Variants in VTI1A observed in about 807,000 individuals in gnomAD.
VTI1A encodes the protein vesicle transport through interaction with t-SNAREs 1A, also known as vesicle transport through interaction with t-SNAREs homolog 1A.
A neutral mutation model predicts 34.9 loss-of-function variants in VTI1A; 22 were observed. The ratio of observed to expected loss-of-function variants is 0.63; its 90% CI spans 0.45 to 0.90. The LOEUF (loss-of-function observed/expected upper bound fraction) is 0.90. VTI1A is among the 40% of genes least tolerant of loss of function. The probability of loss-of-function intolerance (pLI) is 0.00; values close to 1 mark genes in which losing one functional copy is unlikely to be tolerated. For missense variants in VTI1A, 268 were observed against 275.6 expected (o/e 0.97, Z 0.20); for synonymous variants, 87 against 97.3 (o/e 0.89, Z 0.62).
intron 7 of VTI1A, among the ~76,000 whole-genome samples, chr10:112,804,915 C>T (rs1000509800): frequency 1.6e-5 from 2 of 126,966 alleles, no homozygotes; most frequent in Admixed American, 2.1e-4. Flanking sequence ...GACTGGAATG[C>T]AGTCGTGCGA....
chr10:112,504,786 T>C (rs1012712306), intron 3 of VTI1A, among the ~76,000 whole-genome samples: 2 of 152,214 alleles, frequency 1.3e-5, no homozygotes, highest in Non-Finnish European at 2.9e-5. Flanking sequence ...AATTGAATTA[T>C]CAGTTATAAA....
Position 112,447,553 on chromosome 10 carries a change from A to G in VTI1A, c.94+86A>G, listed in dbSNP as rs554180114. 72 of 1,466,200 alleles carry G rather than the reference A, an allele frequency of 4.9e-5. 1 individual carries two copies. In the African/African-American group the frequency reaches 5.9e-4, roughly 12 times the overall value. The allele number at this position is 1,466,200 out of a possible 1,614,324, so 90.8% of individuals were successfully genotyped here. A position where few individuals can be genotyped will look rare whatever the true frequency, so the allele number is the denominator to read the frequency against. On this transcript the variant is annotated intron_variant, in intron 1 of 7. Transcript: ENST00000393077. The stretch of plus-strand genomic sequence containing the variant: ...GAACGCCGCCCGAGTAAGTGTGTCT[A>G]TGAGGCGCGAGGCTGGAGTGGGTGG...
intron 7 of VTI1A, among the ~76,000 whole-genome samples, chr10:112,748,366 A>G (rs1850979350): frequency 6.6e-6 from 1 of 152,170 alleles, no homozygotes; most frequent in Non-Finnish European, 1.5e-5. Context: ...ACACTAAAAA[A>G]GCTATTTAAA....
rs1337413641 is a variant in VTI1A at position 112,447,462 on chromosome 10, C to T, written c.89C>T (p.Pro30Leu). The change falls in exon 1 of 8, where the codon CCG becomes CTG. Residue 30 changes from proline (P) to leucine (L), a missense_variant. Physicochemically the swap from Pro to Leu is moderately conservative, Grantham distance 98 (BLOSUM62 -3). Coordinates refer to ENST00000393077, the MANE Select transcript of VTI1A (RefSeq NM_145206.4). ...TSKIARVPRL[P>L]PDEKKQMVAN... ...AAGATTGCGAGGGTCCCACGACTCC[C>T]GCCTGGTGAGAGCCTTGCCCGGCTG... 2 of 1,613,180 alleles carry T rather than the reference C, an allele frequency of 1.2e-6. No homozygotes were observed. Among genetic ancestry groups the T allele is most frequent in the Non-Finnish European group, 1.7e-6 (2 of 1,179,874 alleles).
intron 7 of VTI1A, among the ~76,000 whole-genome samples, chr10:112,702,200 T>A (rs1228385933): frequency 6.6e-6 from 1 of 152,180 alleles, no homozygotes; most frequent in African/African-American, 2.4e-5. Flanking sequence ...GCAAGTTCCT[T>A]ATTTATTGAG....
At chr10:112,683,540 TA>T (rs1022804296) in intron 7 of VTI1A, among the ~76,000 whole-genome samples, 1 of 152,160 alleles carries the variant, frequency 6.6e-6, no homozygotes, top group Admixed American at 6.5e-5. Flanking sequence ...AATTTTTAAA[TA>T]AAAAAATTGT....
chr10:112,737,361 G>A (rs1318890811), intron 7 of VTI1A: 2 of 1,026,824 alleles, frequency 1.9e-6, no homozygotes, highest in Middle Eastern at 4.5e-4. Context: ...TTAAAAGGAG[G>A]AATTTAAATG....
the VTI1A span, among the ~76,000 whole-genome samples, chr10:112,850,367 A>AAG: frequency 2.0e-5 from 3 of 151,830 alleles, no homozygotes; most frequent in South Asian, 6.3e-4. Flanking sequence ...GGAAAAAAAA[A>AAG]AAAAGAAACA....
chr10:112,733,140 TACAA>T, intron 7 of VTI1A, among the ~76,000 whole-genome samples: 1 of 152,236 alleles, frequency 6.6e-6, no homozygotes, highest in African/African-American at 2.4e-5. Flanking sequence ...AGCTCTGGAA[TACAA>T]GGCTTTTTGG....
chr10:112,595,775 C>G (rs2134450145), intron 5 of VTI1A, among the ~76,000 whole-genome samples: 1 of 151,792 alleles, frequency 6.6e-6, no homozygotes, highest in Admixed American at 6.6e-5. Context: ...GGATCTAGAA[C>G]TAGAAATACC....
At chr10:112,735,628 T>G (rs1220190782) in intron 7 of VTI1A, among the ~76,000 whole-genome samples, 1 of 152,162 alleles carries the variant, frequency 6.6e-6, no homozygotes, top group Non-Finnish European at 1.5e-5. Context: ...TTCAAAAAAT[T>G]GTAATAAACA....
chr10:112,748,258 A>G (rs1850975177), intron 7 of VTI1A, among the ~76,000 whole-genome samples: 1 of 152,268 alleles, frequency 6.6e-6, no homozygotes, highest in Middle Eastern at 3.4e-3. Flanking sequence ...CAGCAATCCA[A>G]TTTGGGGTTG....
At chr10:112,753,274 A>G (rs905608976) in intron 7 of VTI1A, among the ~76,000 whole-genome samples, 1 of 136,802 alleles carries the variant, frequency 7.3e-6, no homozygotes, top group Admixed American at 6.9e-5. Flanking sequence ...TTTTAAATAT[A>G]ATAATAATAA....
intron 5 of VTI1A, among the ~76,000 whole-genome samples, chr10:112,649,400 T>C (rs1028013180): frequency 2.6e-5 from 4 of 152,180 alleles, no homozygotes; most frequent in Admixed American, 2.6e-4. Context: ...ATTTGAAGTG[T>C]GGCTTATCAT....
At chr10:112,830,550 T>TA in the VTI1A span, among the ~76,000 whole-genome samples, 1 of 151,260 alleles carries the variant, frequency 6.6e-6, no homozygotes, top group South Asian at 2.1e-4. Flanking sequence ...TTCCTTATCA[T>TA]AATACATACT....
At chr10:112,592,022 G>A (rs1844409852) in intron 5 of VTI1A, among the ~76,000 whole-genome samples, 1 of 152,128 alleles carries the variant, frequency 6.6e-6, no homozygotes, top group Non-Finnish European at 1.5e-5. Flanking sequence ...AAAAGTAAAG[G>A]GACAATGTGA....
At chr10:112,647,002 C>T (rs183112647) in intron 5 of VTI1A, among the ~76,000 whole-genome samples, 1 of 152,104 alleles carries the variant, frequency 6.6e-6, no homozygotes, top group East Asian at 1.9e-4. Flanking sequence ...ATTGACTCTC[C>T]GTAATATTTA....
At chr10:112,580,151 C>T (rs908970035) in intron 5 of VTI1A, among the ~76,000 whole-genome samples, 3 of 152,122 alleles carry the variant, frequency 2.0e-5, no homozygotes, top group Admixed American at 2.0e-4. Context: ...CCTCATTGAT[C>T]ATTTCAGGAC....
chr10:112,632,238 TC>T (rs1846155392), intron 5 of VTI1A, among the ~76,000 whole-genome samples: 1 of 152,318 alleles, frequency 6.6e-6, no homozygotes, highest in Non-Finnish European at 1.5e-5. Flanking sequence ...CTCTCAAATG[TC>T]CTGCTGGTCA....
Sources: allele counts gnomAD v4.1 joint callset (sites outside exome capture counted in the v4.1 genomes callset), GRCh38; gene constraint gnomAD v4.1.1; transcripts MANE v1.5; gene names NCBI Gene and HGNC (gene_info 2026-07-23, HGNC 2026-07-21).